Variants in RCAN2 observed in about 807,000 individuals in gnomAD.
The protein encoded by RCAN2 is regulator of calcineurin 2.
RCAN2 carries 9 observed loss-of-function variants against 23.6 expected under a neutral mutation model. The ratio of observed to expected loss-of-function variants is 0.38; its 90% CI spans 0.23 to 0.67. RCAN2 has a LOEUF of 0.67. Ranked by LOEUF, RCAN2 falls within the 30% of genes least tolerant of loss-of-function variation. The probability of loss-of-function intolerance (pLI) is 0.51; values close to 1 mark genes in which losing one functional copy is unlikely to be tolerated. For missense variants in RCAN2, 273 were observed against 302.3 expected (o/e 0.90, Z 0.72); for synonymous variants, 109 against 115.7 (o/e 0.94, Z 0.37).
chr6:46,226,091 G>C (rs941169330), intron 4 of RCAN2, among the ~76,000 whole-genome samples: 1 of 152,114 alleles, frequency 6.6e-6, no homozygotes, highest in Non-Finnish European at 1.5e-5. Context: ...GGATCAGATG[G>C]TTGTAGATAT....
chr6:46,392,585 G>A (rs1306393472), intron 2 of RCAN2, among the ~76,000 whole-genome samples: 1 of 152,174 alleles, frequency 6.6e-6, no homozygotes, highest in African/African-American at 2.4e-5. Context: ...AGAAAATAAT[G>A]TCTGGTGGGG....
intron 2 of RCAN2, among the ~76,000 whole-genome samples, chr6:46,366,967 C>T (rs1765186084): frequency 7.1e-6 from 1 of 139,964 alleles, no homozygotes; most frequent in African/African-American, 2.6e-5. Flanking sequence ...ACTAGCCCAA[C>T]TCCCCACCCA....
At chr6:46,396,433 G>A (rs1018874247) in intron 2 of RCAN2, among the ~76,000 whole-genome samples, 6 of 152,120 alleles carry the variant, frequency 3.9e-5, no homozygotes, top group African/African-American at 1.4e-4. Flanking sequence ...CATTAAAGAG[G>A]GCTGATATGT....
intron 2 of RCAN2, among the ~76,000 whole-genome samples, chr6:46,288,571 A>G (rs1297915448): frequency 6.6e-6 from 1 of 152,246 alleles, no homozygotes; most frequent in Non-Finnish European, 1.5e-5. Context: ...CCTCCTATCT[A>G]AACATATTCA....
chr6:46,380,423 T>G (rs1038375969), intron 2 of RCAN2, among the ~76,000 whole-genome samples: 2 of 152,178 alleles, frequency 1.3e-5, no homozygotes, highest in Admixed American at 1.3e-4. Context: ...CTGCCAAATG[T>G]TTAAAGATGC....
chr6:46,310,944 T>G (rs1446800002), intron 2 of RCAN2, among the ~76,000 whole-genome samples: 1 of 152,208 alleles, frequency 6.6e-6, no homozygotes, highest in Non-Finnish European at 1.5e-5. Context: ...ATTAATAGAC[T>G]CAGTAGAACT....
At chr6:46,427,752 G>T (rs771938301) in intron 2 of RCAN2, among the ~76,000 whole-genome samples, 1 of 152,180 alleles carries the variant, frequency 6.6e-6, no homozygotes, top group South Asian at 2.1e-4. Flanking sequence ...CAAAAGAAAC[G>T]AGAGAAACCA....
chr6:46,272,632 T>G (rs1767558102), intron 2 of RCAN2, among the ~76,000 whole-genome samples: 2 of 152,252 alleles, frequency 1.3e-5, no homozygotes, highest in Non-Finnish European at 2.9e-5. Context: ...TAAAATGCTT[T>G]TCTGTTATAA....
rs538941871 is a variant in RCAN2 at position 46,413,891 on chromosome 6, G to C, written c.225+42861C>G. On this transcript the variant is annotated intron_variant, in intron 2 of 4. Coordinates refer to ENST00000371374, the MANE Select transcript of RCAN2 (RefSeq NM_001251974.2). Reference sequence around the variant, plus strand: ...GGGATGGAGTCAGGAATGGGACAAAGACAAAGGTTGGTGACCACTCCTTGA... The same window carrying C: ...GGGATGGAGTCAGGAATGGGACAAACACAAAGGTTGGTGACCACTCCTTGA... Among the ~76,000 whole-genome samples, 5 of 152,320 alleles carry C rather than the reference G, an allele frequency of 3.3e-5. No individual in the cohort carries two copies. In the East Asian group the frequency reaches 9.7e-4, roughly 29 times the overall value.
intron 2 of RCAN2, among the ~76,000 whole-genome samples, chr6:46,384,009 A>G (rs1263050528): frequency 6.6e-6 from 1 of 152,178 alleles, no homozygotes; most frequent in Non-Finnish European, 1.5e-5. Context: ...AAGGAAAAAC[A>G]GGGTTCATCT....
intron 2 of RCAN2, among the ~76,000 whole-genome samples, chr6:46,319,874 C>T (rs1283550952): frequency 6.6e-6 from 1 of 152,148 alleles, no homozygotes; most frequent in Non-Finnish European, 1.5e-5. Context: ...CACATGCCAT[C>T]TCTCTTGCCA....
chr6:46,360,254 C>T lies in RCAN2; in HGVS notation c.225+96498G>A, dbSNP rs369338235. On this transcript the variant is annotated intron_variant, in intron 2 of 4. Coordinates refer to ENST00000371374, the MANE Select transcript of RCAN2 (RefSeq NM_001251974.2). ...GGTTTAAAGAGAGCTTGATGTAGGC[C>T]GGGCGCTGTGGCTCAAGCCTGTAAT... Among the ~76,000 whole-genome samples the T allele has an allele frequency of 1.1e-3, 165 of 152,048 alleles. 2 individuals carry two copies. Among genetic ancestry groups the T allele is most frequent in the African/African-American group, 3.4e-3 (141 of 41,486 alleles).
chr6:46,442,356 A>G lies in RCAN2; in HGVS notation c.225+14396T>C, dbSNP rs373499728. Reference sequence around the variant, plus strand: ...ACTTCTCAGGGGCTCCTGGCCCAGGAAGTGAGTGGCAGATGAAATCTAGCC... The same window carrying G: ...ACTTCTCAGGGGCTCCTGGCCCAGGGAGTGAGTGGCAGATGAAATCTAGCC... On this transcript the variant is annotated intron_variant, in intron 2 of 4. Coordinates refer to ENST00000371374, the MANE Select transcript of RCAN2 (RefSeq NM_001251974.2). Among the ~76,000 whole-genome samples the G allele has an allele frequency of 8.5e-5, 13 of 152,322 alleles. No individual in the cohort carries two copies. The South Asian group carries it at 2.7e-3, about 32-fold the overall frequency.
intron 4 of RCAN2, among the ~76,000 whole-genome samples, chr6:46,244,789 C>G (rs2150316125): frequency 6.6e-6 from 1 of 152,324 alleles, no homozygotes; most frequent in Admixed American, 6.5e-5. Flanking sequence ...GTCCTCTAGC[C>G]AAGACCTTAG....
chr6:46,270,267 C>T (rs9472730), intron 2 of RCAN2, among the ~76,000 whole-genome samples: 119,307 of 152,034 alleles, frequency 0.78, 47,120 homozygotes, highest in Non-Finnish European at 0.83. Context: ...AGGAGAGAAG[C>T]GCTGACTCTG....
chr6:46,257,240 A>G (rs1373801614), intron 2 of RCAN2, among the ~76,000 whole-genome samples: 2 of 152,202 alleles, frequency 1.3e-5, no homozygotes, highest in Non-Finnish European at 2.9e-5. Flanking sequence ...TTAGGATATT[A>G]AAATATTACC....
intron 1 of RCAN2, among the ~76,000 whole-genome samples, chr6:46,467,631 A>C (rs1008464281): frequency 6.6e-6 from 1 of 151,726 alleles, no homozygotes; most frequent in Admixed American, 6.5e-5. Context: ...TGGCACTGCC[A>C]CTTTCTAGCT....
At chr6:46,357,259 A>G (rs1048520911) in intron 2 of RCAN2, among the ~76,000 whole-genome samples, 2 of 152,218 alleles carry the variant, frequency 1.3e-5, no homozygotes, top group African/African-American at 4.8e-5. Context: ...AGATGGCTAA[A>G]TATGGAGTTT....
chr6:46,258,303 C>T (rs180727991), intron 2 of RCAN2, among the ~76,000 whole-genome samples: 94 of 152,156 alleles, frequency 6.2e-4, no homozygotes, highest in African/African-American at 2.2e-3. Context: ...GCATAACTGG[C>T]GTGCATGTGA....
Sources: allele counts gnomAD v4.1 joint callset (sites outside exome capture counted in the v4.1 genomes callset), GRCh38; gene constraint gnomAD v4.1.1; transcripts MANE v1.5; gene names NCBI Gene and HGNC (gene_info 2026-07-23, HGNC 2026-07-21).